PLAGL2: variants seen among roughly 807,000 people sequenced by gnomAD.
PLAGL2 encodes the protein zinc finger protein PLAGL2.
In PLAGL2, 7 loss-of-function variants were observed where a neutral mutation model predicts 29.0. That is an observed-to-expected ratio of 0.24 (90% CI 0.14 to 0.45). PLAGL2 has a LOEUF of 0.45. Among genes scored for constraint, PLAGL2 ranks in the 20% least tolerant of loss-of-function variants. The pLI is 0.99. For synonymous variants in PLAGL2, 234 were observed against 266.0 expected (o/e 0.88, Z 1.17); for missense variants, 454 against 648.2 (o/e 0.70, Z 3.25).
Position 32,197,341 on chromosome 20 carries a change from T to G in PLAGL2, c.602A>C (p.Tyr201Ser). 6.3e-7 allele frequency: 1 copy of G among 1,598,774 alleles called. No individual in the cohort carries two copies. The highest frequency in any genetic ancestry group is 8.5e-7 in the Non-Finnish European group (1 of 1,171,110). ...GTGCCGCCGTACATCCTTACGAGTA[T>G]AGAACCGCCGGTCGCAGTGGTCACA... Reference protein sequence around the residue: ...HPCDHCDRRFYTRKDVRRHLV... With the variant: ...HPCDHCDRRFSTRKDVRRHLV... The change falls in exon 3 of 3, where the codon TAT (tyrosine) becomes TCT (serine). Residue 201 changes from tyrosine (Y) to serine (S), a missense_variant. This residue lies in a region of PLAGL2 where 111 missense variants were observed against 173.1 expected (regional missense o/e 0.64). Transcript: ENST00000246229. The surrounding 1 kb of genome is among the most constrained non-coding windows in gnomAD (Gnocchi z 6.6).
At position 32,196,568 on chromosome 20, in the gene PLAGL2, C is replaced by T; in HGVS notation, c.1375G>A (p.Asp459Asn). 6.5e-7 allele frequency: 1 copy of T among 1,544,586 alleles called. No homozygotes were observed. The highest frequency in any genetic ancestry group is 8.7e-7 in the Non-Finnish European group (1 of 1,150,670). ...LLTTLQAQPQ[D>N]SPGAGGPLNF... ...AGTGGTCCCCCAGCTCCTGGGGAAT[C>T]TTGAGGCTGAGCTTGCAAAGTGGTA... Residue 459 changes from aspartate to asparagine, a missense_variant, in exon 3 of 3, where the codon GAT (aspartate) becomes AAT (asparagine). Asp to Asn is a conservative substitution (Grantham distance 23). Coordinates refer to ENST00000246229, the MANE Select transcript of PLAGL2 (RefSeq NM_002657.3).
In PLAGL2 at chr20:32,202,091, G is replaced by A. The variant is rs769649938; in HGVS notation, c.88C>T (p.Arg30Trp). ...EVGWKLVPRP[R>W]GREAESQVKC... is the part of the protein sequence containing the mutation. ...ACTTGACTCTCCGCCTCCCGGCCCC[G>A]AGGCCTGGGAACTAGTTTCCAGCCC... The change falls in exon 2 of 3, where the codon CGG (arginine) becomes TGG (tryptophan). Residue 30 changes from arginine (R) to tryptophan (W), a missense_variant. Transcript: ENST00000246229. 17 of 1,613,998 alleles carry A rather than the reference G, an allele frequency of 1.1e-5. No individual in the cohort carries two copies. The highest frequency in any genetic ancestry group is 8.3e-5 in the Admixed American group (5 of 60,008).
In PLAGL2 at chr20:32,193,887, A is replaced by C. The variant is rs2047214520; in HGVS notation, c.*2565T>G. On this transcript the variant is annotated 3_prime_UTR_variant, in exon 3 of 3. Transcript: ENST00000246229. ...AGATATTATTCCTCTGTACCAGCAA[A>C]GTTCACAGTGATAGGAAAATTCCTT... 1 of 152,546 alleles carries C rather than the reference A, an allele frequency of 6.6e-6. No individual in the cohort carries two copies. The highest frequency in any genetic ancestry group is 2.4e-5 in the African/African-American group (1 of 41,398). 9.4% of individuals were successfully genotyped at this position (152,546 alleles called of 1,614,324 possible).
chr20:32,199,463 T>C (rs893552227), intron 2 of PLAGL2, among the ~76,000 whole-genome samples: 2 of 152,200 alleles, frequency 1.3e-5, no homozygotes, highest in African/African-American at 2.4e-5. Context: ...GTAAATTATA[T>C]GTGATGAGTC....
chr20:32,205,854 C>G (rs2047283600), intron 1 of PLAGL2, among the ~76,000 whole-genome samples: 1 of 152,114 alleles, frequency 6.6e-6, no homozygotes, highest in Non-Finnish European at 1.5e-5. Flanking sequence ...CCTCACTCCC[C>G]CCTAAAAAAC....
Position 32,197,808 on chromosome 20 carries a change from G to T in PLAGL2, c.261-126C>A. The stretch of plus-strand genomic sequence containing the variant: ...AAAAACCATGGTAAAGGCTTGCAAT[G>T]CAATACCAAACCAGTTATATTCTAC... On this transcript the variant is annotated intron_variant, in intron 2 of 2. Transcript: ENST00000246229. The surrounding 1 kb of genome is among the most constrained non-coding windows in gnomAD (Gnocchi z 6.6). 1.4e-6 allele frequency: 1 copy of T among 722,890 alleles called. No homozygotes were observed. The highest frequency in any genetic ancestry group is 2.3e-6 in the Non-Finnish European group (1 of 436,446). 44.8% of individuals were successfully genotyped at this position (722,890 alleles called of 1,614,324 possible).
chr20:32,200,257 A>G (rs1442283076), intron 2 of PLAGL2, among the ~76,000 whole-genome samples: 1 of 152,062 alleles, frequency 6.6e-6, no homozygotes, highest in East Asian at 1.9e-4. Flanking sequence ...TTTTTTTTTG[A>G]GACGGAGTCT....
chr20:32,196,329 A>G lies in PLAGL2; in HGVS notation c.*123T>C. 1.5e-6 allele frequency: 1 copy of G among 661,632 alleles called. No individual in the cohort carries two copies. The highest frequency in any genetic ancestry group is 2.3e-6 in the Non-Finnish European group (1 of 426,272). 41.0% of individuals were successfully genotyped at this position (661,632 alleles called of 1,614,324 possible). On this transcript the variant is annotated 3_prime_UTR_variant, in exon 3 of 3. Transcript: ENST00000246229. The stretch of plus-strand genomic sequence containing the variant: ...AAACCAAGTGCTCCTGTATACAGAC[A>G]CTGGAATTTTTTTTTTTGAACCCAG...
At chr20:32,199,002 G>A (rs558241583) in intron 2 of PLAGL2, among the ~76,000 whole-genome samples, 1 of 152,274 alleles carries the variant, frequency 6.6e-6, no homozygotes, top group Admixed American at 6.5e-5. Flanking sequence ...CAGAATCCAG[G>A]AACTGCAATT....
chr20:32,207,598 G>A (rs1468794547), intron 1 of PLAGL2, 43 bp downstream of exon 1: 1 of 156,526 alleles, frequency 6.4e-6, no homozygotes, highest in Non-Finnish European at 1.4e-5. Context: ...ACGGCCTCCC[G>A]CCCCTCTCCC....
chr20:32,199,735 G>A (rs2047249261), intron 2 of PLAGL2, among the ~76,000 whole-genome samples: 1 of 152,146 alleles, frequency 6.6e-6, no homozygotes, highest in Admixed American at 6.5e-5. Context: ...AGCTACTCAG[G>A]AGGCTGAGGC....
At chr20:32,204,042 C>T (rs1459104293) in intron 1 of PLAGL2, among the ~76,000 whole-genome samples, 4 of 152,184 alleles carry the variant, frequency 2.6e-5, no homozygotes, top group Non-Finnish European at 5.9e-5. Context: ...TTTAAGTCCC[C>T]TCCTCCTTTG....
intron 1 of PLAGL2, among the ~76,000 whole-genome samples, chr20:32,205,868 TGAGA>T (rs1381857272): frequency 6.6e-6 from 1 of 152,146 alleles, no homozygotes; most frequent in African/African-American, 2.4e-5. Flanking sequence ...AAAAAACAGT[TGAGA>T]GATAACACCC....
intron 1 of PLAGL2, 35 bp from the exon 2 acceptor site, chr20:32,202,327 A>G: frequency 1.4e-6 from 1 of 714,252 alleles, no homozygotes; most frequent in Non-Finnish European, 2.3e-6. Context: ...TAGGGAGCCC[A>G]ATACCATGAG....
chr20:32,197,700 G>C lies in PLAGL2; in HGVS notation c.261-18C>G. 6.2e-7 allele frequency: 1 copy of C among 1,604,722 alleles called. No individual in the cohort carries two copies. Among genetic ancestry groups the C allele is most frequent in the Non-Finnish European group, 8.5e-7 (1 of 1,173,234 alleles). Reference sequence around the variant, plus strand: ...CCATGTGCCTGGGGGTAGAGACAGGGGATAGGGGAGAAAGCAGAAAGAGGG... The same window carrying C: ...CCATGTGCCTGGGGGTAGAGACAGGCGATAGGGGAGAAAGCAGAAAGAGGG... On this transcript the variant is annotated intron_variant, in intron 2 of 2. Transcript: ENST00000246229. The surrounding 1 kb of genome is among the most constrained non-coding windows in gnomAD (Gnocchi z 6.6).
intron 1 of PLAGL2, among the ~76,000 whole-genome samples, chr20:32,205,658 G>A (rs1198715339): frequency 6.6e-6 from 1 of 152,120 alleles, no homozygotes; most frequent in African/African-American, 2.4e-5. Flanking sequence ...TTATTAGCCT[G>A]TTTCCTCATC....
At chr20:32,201,396 G>A (rs992181507) in intron 2 of PLAGL2, among the ~76,000 whole-genome samples, 2 of 152,084 alleles carry the variant, frequency 1.3e-5, no homozygotes, top group Non-Finnish European at 2.9e-5. Flanking sequence ...ACCAGCCTGG[G>A]GAACACAGCC....
At chr20:32,204,823 G>A (rs73903572) in intron 1 of PLAGL2, among the ~76,000 whole-genome samples, 2,023 of 152,268 alleles carry the variant, frequency 0.013, 38 homozygotes, top group African/African-American at 0.045. Flanking sequence ...TGCTCTTCTG[G>A]TCTCACATTT....
intron 1 of PLAGL2, 122 bp from the exon 2 acceptor site, chr20:32,202,414 A>C (rs45544537): frequency 9.7e-4 from 543 of 559,530 alleles, no homozygotes; most frequent in Non-Finnish European, 1.3e-3. Context: ...CTTTCAGCCA[A>C]TTACTTACTT....
Sources: gnomAD v4.1 joint callset for allele counts (sites outside exome capture counted in the v4.1 genomes callset) on GRCh38, gnomAD v4.1.1 for gene constraint, gnomAD v4.1.1 regional missense constraint, Gnocchi (gnomAD v3.1) non-coding constraint, MANE v1.5 for transcripts, NCBI Gene and HGNC (gene_info 2026-07-23, HGNC 2026-07-21) for gene names.